The following ADGRF3 variants were observed in gnomAD, a reference collection of about 807,000 sequenced individuals.
ADGRF3 encodes the protein adhesion G protein-coupled receptor F3, also known as G protein-coupled receptor 113.
A neutral mutation model predicts 93.2 loss-of-function variants in ADGRF3; 85 were observed. The ratio of observed to expected loss-of-function variants is 0.91; its 90% confidence interval spans 0.77 to 1.09. ADGRF3 has a LOEUF of 1.09. ADGRF3 is among the 50% of genes least tolerant of loss of function. The pLI is 0.00. For missense variants in ADGRF3, 1,125 were observed against 1,246.2 expected (o/e 0.90, Z 1.46); for synonymous variants, 534 against 532.5 (o/e 1.00, Z -0.04).
In ADGRF3 at chr2:26,311,962, G is replaced by A. The variant is rs558334779; in HGVS notation, c.1562C>T (p.Thr521Ile). 6.2e-7 allele frequency: 1 copy of A among 1,613,204 alleles called. No individual in the cohort carries two copies. Among genetic ancestry groups the A allele is most frequent in the African/African-American group, 1.3e-5 (1 of 74,926 alleles). The change falls in exon 10 of 14, where the codon ACC (threonine) becomes ATC (isoleucine). Residue 521 changes from threonine to isoleucine, a missense_variant. Coordinates refer to ENST00000651242, the MANE Select transcript of ADGRF3 (RefSeq NM_001321971.2). Reference protein sequence around the residue: ...AGSTLLLAVETLACSLCPQDH... With the variant: ...AGSTLLLAVEILACSLCPQDH... ...CTGTGGGCACAGGCTGCATGCCAGG[G>A]TCTCCACAGCCAGCAGGAGAGTCGA...
intron 1 of ADGRF3, among the ~76,000 whole-genome samples, chr2:26,344,719 G>A (rs1676600417): frequency 6.6e-6 from 1 of 152,188 alleles, no homozygotes; most frequent in Non-Finnish European, 1.5e-5. Flanking sequence ...TGTAGTTCTA[G>A]CTACTTGGGA....
chr2:26,344,762 T>A (rs1236627830), intron 1 of ADGRF3, among the ~76,000 whole-genome samples: 1 of 152,034 alleles, frequency 6.6e-6, no homozygotes, highest in Non-Finnish European at 1.5e-5. Flanking sequence ...CCAGGGGAGG[T>A]CGAGGCTGCA....
rs1424205085 is a variant in ADGRF3, at chr2:26,308,562, A to C, written c.*524T>G. 1 of 153,310 alleles carries C rather than the reference A, an allele frequency of 6.5e-6. No homozygotes were observed. Among genetic ancestry groups the C allele is most frequent in the Admixed American group, 6.5e-5 (1 of 15,430 alleles). The allele number at this position is 153,310 out of a possible 1,614,324, so 9.5% of individuals were successfully genotyped here. A position where few individuals can be genotyped will look rare whatever the true frequency, so the allele number is the denominator to read the frequency against. ...TTGATTTTTTAAAGGTTAAAGAAAG[A>C]GGGACCAATTAACTTCACCTTTTCC... is the stretch of plus-strand genomic sequence containing the variant. On this transcript the variant is annotated 3_prime_UTR_variant, in exon 14 of 14. Coordinates refer to ENST00000651242, the MANE Select transcript of ADGRF3 (RefSeq NM_001321971.2).
At chr2:26,331,950 CT>C (rs1484670503) in intron 1 of ADGRF3, among the ~76,000 whole-genome samples, 13 of 151,990 alleles carry the variant, frequency 8.6e-5, no homozygotes, top group African/African-American at 1.5e-4. Flanking sequence ...TTTTCTGCTC[CT>C]TTTTTTCTCC....
intron 1 of ADGRF3, chr2:26,318,907 AG>A (rs1674932782): frequency 1.3e-6 from 2 of 1,550,902 alleles, no homozygotes; most frequent in African/African-American, 2.7e-5. Context: ...TCTCCCAATC[AG>A]GGGTCCCCAT....
chr2:26,313,182 C>A, intron 8 of ADGRF3, 60 bp from the exon 9 acceptor site: 1 of 1,583,796 alleles, frequency 6.3e-7, no homozygotes, highest in Non-Finnish European at 8.6e-7. Flanking sequence ...TTGAGAAGAG[C>A]ATCCCAGACC....
chr2:26,311,786 T>G lies in ADGRF3; in HGVS notation c.1738A>C (p.Asn580His), dbSNP rs1324787208. The change falls in exon 10 of 14, where the codon AAT (asparagine) becomes CAT (histidine). Residue 580 changes from asparagine to histidine, a missense_variant. Asn to His is a moderately conservative substitution (Grantham distance 68). Transcript: ENST00000651242. ...CTAGTAATACTTATTTCAGTTCCAT[T>G]ACGGACCAATGGGGCCAGTGAGTGC... The part of the protein sequence containing the change: ...PRHSLAPLVR[N>H]GTEISITSLV... The G allele has an allele frequency of 6.2e-7, 1 of 1,613,784 alleles. No individual in the cohort carries two copies. Among genetic ancestry groups the G allele is most frequent in the South Asian group, 1.1e-5 (1 of 91,028 alleles).
chr2:26,315,527 C>T lies in ADGRF3; in HGVS notation c.713G>A (p.Trp238Ter), dbSNP rs372018838. ...ALSVSNMSHH[W>*]AGEYMSCFEA... Reference sequence around the variant, plus strand: ...GGAGAGGACAGGCTGGCTACCTGCCCAGTGATGGGACATGTTGGAGACGCT... The same window carrying T: ...GGAGAGGACAGGCTGGCTACCTGCCTAGTGATGGGACATGTTGGAGACGCT... The change falls in exon 5 of 14, where the codon TGG becomes TAG. Residue 238 changes from tryptophan (W) to a stop codon, truncating the protein, a stop_gained. Transcript: ENST00000651242. LOFTEE classifies it high-confidence loss of function. The T allele has an allele frequency of 1.1e-4, 164 of 1,550,174 alleles. No individual in the cohort carries two copies. The highest frequency in any genetic ancestry group is 7.1e-4 in the East Asian group (29 of 40,886).
Position 26,310,815 on chromosome 2 carries a change from C to G in ADGRF3, c.2709G>C (p.Val903=). ...PAEKRQALLG[V]IKALLILTPI... is the part of the protein sequence containing the mutation. ...GTGTAAGAATGAGCAGGGCTTTGAT[C>G]ACCCCCAGCAGAGCTTGGCGCTTCT... The change falls in exon 10 of 14, where the codon GTG becomes GTC. Residue 903 remains valine, a synonymous_variant. Transcript: ENST00000651242. The G allele has an allele frequency of 6.2e-7, 1 of 1,613,796 alleles. No individual in the cohort carries two copies.
intron 9 of ADGRF3, 130 bp from the exon 10 acceptor site, chr2:26,312,204 G>T: frequency 1.1e-6 from 1 of 930,232 alleles, no homozygotes; most frequent in Non-Finnish European, 1.6e-6. Context: ...GGAGAGAAAA[G>T]GGAGAGGAAG....
Position 26,315,727 on chromosome 2 carries a change from G to A in ADGRF3, c.513C>T (p.Leu171=). ...CQLLPPVPGI[L]NLNSQLQMPG... Reference sequence around the variant, plus strand: ...GCATCTGCAGCTGGGAGTTCAGGTTGAGGATCCCGGGGACTGCAGGGAGGC... The same window carrying A: ...GCATCTGCAGCTGGGAGTTCAGGTTAAGGATCCCGGGGACTGCAGGGAGGC... Residue 171 remains leucine, a synonymous_variant, in exon 5 of 14, where the codon CTC becomes CTT. Coordinates refer to ENST00000651242, the MANE Select transcript of ADGRF3 (RefSeq NM_001321971.2). 1 of 1,551,392 alleles carries A rather than the reference G, an allele frequency of 6.4e-7. No homozygotes were observed. The highest frequency in any genetic ancestry group is 8.7e-7 in the Non-Finnish European group (1 of 1,146,964).
intron 12 of ADGRF3, among the ~76,000 whole-genome samples, 193 bp from the exon 13 acceptor site, chr2:26,309,774 A>T (rs1673885774): frequency 6.6e-6 from 1 of 152,228 alleles, no homozygotes; most frequent in Non-Finnish European, 1.5e-5. Context: ...TGCTAACTGG[A>T]GGCAGATTTT....
Position 26,346,345 on chromosome 2 carries a change from G to T in ADGRF3, c.-111C>A. 3 of 1,560,010 alleles carry T rather than the reference G, an allele frequency of 1.9e-6. No individual in the cohort carries two copies. The highest frequency in any genetic ancestry group is 2.6e-6 in the Non-Finnish European group (3 of 1,153,736). On this transcript the variant is annotated 5_prime_UTR_variant, in exon 1 of 14. Coordinates refer to ENST00000651242, the MANE Select transcript of ADGRF3 (RefSeq NM_001321971.2). ...TGCTCCCGGCCTCGCCCAGGCGGCT[G>T]AGGGGCCCGCGCGGCGCGGTCCGTG...
Position 26,316,259 on chromosome 2 carries a change from T to C in ADGRF3, c.499+16A>G. ...CACTTAAGGCCATTGGTTTCCAAGT[T>C]CCCAACCTTCCTCACCAGGTGGCAG... On this transcript the variant is annotated intron_variant, in intron 4 of 13. Transcript: ENST00000651242. The C allele has an allele frequency of 6.5e-7, 1 of 1,549,504 alleles. No homozygotes were observed. The highest frequency in any genetic ancestry group is 8.7e-7 in the Non-Finnish European group (1 of 1,145,926).
chr2:26,329,204 T>G (rs567902414), intron 1 of ADGRF3, among the ~76,000 whole-genome samples: 1 of 152,128 alleles, frequency 6.6e-6, no homozygotes, highest in Non-Finnish European at 1.5e-5. Context: ...GGCACAATCA[T>G]GGCTCACTGC....
At chr2:26,309,445 A>G in intron 13 of ADGRF3, 81 bp downstream of exon 13, 2 of 1,563,584 alleles carry the variant, frequency 1.3e-6, no homozygotes, top group Non-Finnish European at 1.7e-6. Context: ...GCTTCTCTCC[A>G]GCACTTTGCC....
Position 26,328,534 on chromosome 2 carries a change from A to C in ADGRF3, c.115-10972T>G, listed in dbSNP as rs367806446. 5.9e-4 allele frequency among the ~76,000 whole-genome samples: 89 copies of C among 151,180 alleles called. No homozygotes were observed. The South Asian group carries it at 0.014, about 25-fold the overall frequency. On this transcript the variant is annotated intron_variant, in intron 1 of 13. Transcript: ENST00000651242. ...AGCAGTGCTATCTCCGATCACTGCA[A>C]TCTCCGCCTCCCAGGTTCAAGCGAT...
At chr2:26,323,818 G>A (rs1167355006) in intron 1 of ADGRF3, among the ~76,000 whole-genome samples, 13 of 151,854 alleles carry the variant, frequency 8.6e-5, no homozygotes, top group African/African-American at 7.3e-5. Context: ...TAGTAGAGAC[G>A]GGATTTCACC....
intron 1 of ADGRF3, among the ~76,000 whole-genome samples, chr2:26,321,126 A>G (rs1158189804): frequency 2.6e-5 from 4 of 152,130 alleles, no homozygotes; most frequent in Non-Finnish European, 5.9e-5. Flanking sequence ...TATGGTAGAA[A>G]CATAGCCCCA....
Sources: gnomAD v4.1 joint callset for allele counts (sites outside exome capture counted in the v4.1 genomes callset) on GRCh38, gnomAD v4.1.1 for gene constraint, MANE v1.5 for transcripts, NCBI Gene and HGNC (gene_info 2026-07-23, HGNC 2026-07-21) for gene names.